The following ST13 variants were observed in gnomAD, a reference collection of about 807,000 sequenced individuals.
ST13 encodes hsc70-interacting protein.
A neutral mutation model predicts 56.7 loss-of-function variants in ST13; 23 were observed. The observed-to-expected ratio is 0.41, with a 90% confidence interval of 0.29 to 0.57. The LOEUF (loss-of-function observed/expected upper bound fraction) is 0.57. Ranked by LOEUF, ST13 falls within the 20% of genes least tolerant of loss-of-function variation. ST13 has a pLI of 0.36. For missense variants in ST13, 369 were observed against 459.9 expected (o/e 0.80, Z 1.81); for synonymous variants, 132 against 142.4 (o/e 0.93, Z 0.52).
At chr22:40,832,421 C>G (rs543879711) in intron 8 of ST13, 148 bp downstream of exon 8, 2 of 628,798 alleles carry the variant, frequency 3.2e-6, no homozygotes, top group Non-Finnish European at 5.6e-6. Flanking sequence ...TCTCCAGAGT[C>G]GAGCACAAAC....
At chr22:40,838,064 G>A (rs1174664951) in intron 5 of ST13, among the ~76,000 whole-genome samples, 1 of 152,110 alleles carries the variant, frequency 6.6e-6, no homozygotes, top group Non-Finnish European at 1.5e-5. Flanking sequence ...GTTGGTAAAC[G>A]TTTTCTGGAA....
At chr22:40,851,313 G>A (rs375667350) in intron 1 of ST13, among the ~76,000 whole-genome samples, 42 of 152,252 alleles carry the variant, frequency 2.8e-4, no homozygotes, top group African/African-American at 6.5e-4. Flanking sequence ...TAACTATACC[G>A]TCATGATATA....
intron 1 of ST13, among the ~76,000 whole-genome samples, chr22:40,853,244 A>G (rs9623253): frequency 0.044 from 6,764 of 152,232 alleles, 469 homozygotes; most frequent in African/African-American, 0.15. Context: ...GTACACACTC[A>G]CTGGTGTTGG....
intron 3 of ST13, 29 bp from the exon 4 acceptor site, chr22:40,844,938 A>G: frequency 6.4e-7 from 1 of 1,560,124 alleles, no homozygotes; most frequent in Non-Finnish European, 8.8e-7. Flanking sequence ...TGACAATAAG[A>G]CCTGCACCGT....
At position 40,825,726 on chromosome 22, in the gene ST13, A is replaced by AT. The variant is rs924929946; in HGVS notation, c.*811dup. ...CAGAAAGCAAACACAGATTTGGGCA[A>AT]TTTTTGACTAGGAAAGAGAATTTTA... On this transcript the variant is annotated 3_prime_UTR_variant, in exon 12 of 12. Transcript: ENST00000216218. 2.6e-5 allele frequency: 4 copies of AT among 152,178 alleles called. No homozygotes were observed. The highest frequency in any genetic ancestry group is 5.9e-5 in the Non-Finnish European group (4 of 68,026). 9.4% of individuals were successfully genotyped at this position (152,178 alleles called of 1,614,324 possible). A position where few individuals can be genotyped will look rare whatever the true frequency, so the allele number is the denominator to read the frequency against.
chr22:40,826,711 G>T (rs1252576247), intron 11 of ST13, 45 bp from the exon 12 acceptor site: 4 of 1,597,310 alleles, frequency 2.5e-6, no homozygotes, highest in Non-Finnish European at 3.4e-6. Context: ...GTCCTACTGG[G>T]TCAGTAAGTT....
chr22:40,844,223 C>G (rs1416750630), intron 4 of ST13, among the ~76,000 whole-genome samples: 1 of 152,060 alleles, frequency 6.6e-6, no homozygotes, highest in Non-Finnish European at 1.5e-5. Context: ...ATACCATTTC[C>G]CACAATACTT....
At chr22:40,829,186 G>A (rs965048871) in intron 10 of ST13, among the ~76,000 whole-genome samples, 29 of 152,262 alleles carry the variant, frequency 1.9e-4, no homozygotes, top group African/African-American at 6.5e-4. Flanking sequence ...AGCATACGTA[G>A]CCTCTAAAAA....
intron 1 of ST13, among the ~76,000 whole-genome samples, chr22:40,854,924 C>G (rs1569007403): frequency 6.6e-6 from 1 of 152,092 alleles, no homozygotes; most frequent in Admixed American, 6.6e-5. Flanking sequence ...AGACTTCTTA[C>G]CAATATTCAT....
At position 40,824,570 on chromosome 22, in the gene ST13, T is replaced by C. The variant is rs902095058; in HGVS notation, c.*1968A>G. ...AATTAAGAATGTATATTATGGAATT[T>C]AAAAATCTAAAAGCACAGGACACAT... On this transcript the variant is annotated 3_prime_UTR_variant, in exon 12 of 12. Coordinates refer to ENST00000216218, the MANE Select transcript of ST13 (RefSeq NM_003932.5). 1 of 152,228 alleles carries C rather than the reference T, an allele frequency of 6.6e-6. No individual in the cohort carries two copies. The highest frequency in any genetic ancestry group is 1.5e-5 in the Non-Finnish European group (1 of 68,042). The allele number at this position is 152,228 out of a possible 1,614,324, so 9.4% of individuals were successfully genotyped here. A position where few individuals can be genotyped will look rare whatever the true frequency, so the allele number is the denominator to read the frequency against.
At chr22:40,848,544 C>G (rs983092439) in intron 2 of ST13, among the ~76,000 whole-genome samples, 175 bp from the exon 3 acceptor site, 16 of 152,078 alleles carry the variant, frequency 1.1e-4, no homozygotes, top group Non-Finnish European at 1.9e-4. Context: ...GTTAGGAGTT[C>G]AAGACTAGCC....
Position 40,827,116 on chromosome 22 carries a change from C to G in ST13, c.961G>C (p.Glu321Gln). ...CTTACCTGCATGGCTGCAAGAACCT[C>G]TGGATCACTAAGAATTTCATTGAGT... Reference protein sequence around the residue: ...PGLNEILSDPEVLAAMQDPEV... With the variant: ...PGLNEILSDPQVLAAMQDPEV... The change falls in exon 11 of 12, where the codon GAG (glutamate) becomes CAG (glutamine). Residue 321 changes from glutamate (E) to glutamine (Q), a missense_variant. Glu to Gln is a conservative substitution (Grantham distance 29). This residue lies in a region of ST13 where 136 missense variants were observed against 159.2 expected (regional missense o/e 0.85). Coordinates refer to ENST00000216218, the MANE Select transcript of ST13 (RefSeq NM_003932.5). The G allele has an allele frequency of 6.2e-7, 1 of 1,612,114 alleles. No homozygotes were observed. Among genetic ancestry groups the G allele is most frequent in the East Asian group, 2.2e-5 (1 of 44,886 alleles).
intron 3 of ST13, among the ~76,000 whole-genome samples, chr22:40,847,288 A>G (rs1242641408): frequency 7.4e-3 from 1 of 136 alleles, no homozygotes; most frequent in Non-Finnish European, 0.019. Context: ...AATCCCAAAC[A>G]CTTTGGAGGC....
chr22:40,850,820 T>G lies in ST13; in HGVS notation c.168+3A>C. On this transcript the variant is annotated splice_donor_region_variant and intron_variant, in intron 2 of 11. Coordinates refer to ENST00000216218, the MANE Select transcript of ST13 (RefSeq NM_003932.5). ...AAAACATACAAATGAAATTAAAACT[T>G]ACCTTGGTATTTTCTTCTGATTTAG... The G allele has an allele frequency of 6.2e-7, 1 of 1,600,860 alleles. No individual in the cohort carries two copies.
At chr22:40,844,078 T>TCA (rs2145743966) in intron 4 of ST13, among the ~76,000 whole-genome samples, 1 of 152,122 alleles carries the variant, frequency 6.6e-6, no homozygotes, top group Non-Finnish European at 1.5e-5. Flanking sequence ...AGACGGGGTT[T>TCA]CACCATGTTG....
At chr22:40,847,008 C>CA (rs1271490250) in intron 3 of ST13, among the ~76,000 whole-genome samples, 4 of 151,092 alleles carry the variant, frequency 2.6e-5, no homozygotes, top group Admixed American at 6.6e-5. Context: ...AAAAAAACCC[C>CA]AAAAAAACAA....
Position 40,850,813 on chromosome 22 carries a change from T to TA in ST13, c.168+9dup. 1 of 1,597,586 alleles carries TA rather than the reference T, an allele frequency of 6.3e-7. No individual in the cohort carries two copies. The highest frequency in any genetic ancestry group is 8.5e-7 in the Non-Finnish European group (1 of 1,170,526). ...TTATCACAAAACATACAAATGAAAT[T>TA]AAAACTTACCTTGGTATTTTCTTCT... On this transcript the variant is annotated intron_variant, in intron 2 of 11. Transcript: ENST00000216218.
intron 1 of ST13, chr22:40,854,476 G>GTA (rs1265604318): frequency 6.6e-6 from 1 of 152,178 alleles, no homozygotes; most frequent in Non-Finnish European, 1.5e-5. Flanking sequence ...TTAAAATAAG[G>GTA]TATATGACTA....
At chr22:40,848,445 A>G (rs1256579517) in intron 2 of ST13, 76 bp from the exon 3 acceptor site, 4 of 1,048,584 alleles carry the variant, frequency 3.8e-6, no homozygotes, top group Non-Finnish European at 5.8e-6. Context: ...CTACAAATCT[A>G]TGTATAAACT....
Sources: allele counts gnomAD v4.1 joint callset (sites outside exome capture counted in the v4.1 genomes callset), GRCh38; gene constraint gnomAD v4.1.1; regional missense constraint gnomAD v4.1.1; transcripts MANE v1.5; gene names NCBI Gene and HGNC (gene_info 2026-07-23, HGNC 2026-07-21).